RAPGEF4: variants seen among roughly 807,000 people sequenced by gnomAD.
RAPGEF4 encodes the protein Rap guanine nucleotide exchange factor 4, also known as RAP guanine-nucleotide-exchange factor (GEF) 4.
Under a neutral mutation model 147.9 loss-of-function variants are expected in RAPGEF4, and 66 were observed. The ratio of observed to expected loss-of-function variants is 0.45; its 90% CI spans 0.37 to 0.55. The LOEUF (loss-of-function observed/expected upper bound fraction) is 0.55. RAPGEF4 is among the 20% of genes least tolerant of loss of function. The probability of loss-of-function intolerance (pLI) is 0.00; values close to 1 mark genes in which losing one functional copy is unlikely to be tolerated. For missense variants in RAPGEF4, 1,071 were observed against 1,257.3 expected, an observed-to-expected ratio of 0.85 and a Z score of 2.24; for synonymous variants, 419 against 442.7, an observed-to-expected ratio of 0.95 and a Z score of 0.67.
At chr2:172,875,205 G>C (rs1382894186) in intron 4 of RAPGEF4, among the ~76,000 whole-genome samples, 3 of 152,094 alleles carry the variant, frequency 2.0e-5, no homozygotes, top group Admixed American at 2.0e-4. Context: ...GTTGCCTGTT[G>C]ACCCTGATGG....
intron 6 of RAPGEF4, among the ~76,000 whole-genome samples, chr2:172,942,334 A>C (rs1042702982): frequency 6.6e-6 from 1 of 151,748 alleles, no homozygotes; most frequent in African/African-American, 2.4e-5. Context: ...GTCTTAGCTC[A>C]AATTCAGAAC....
intron 29 of RAPGEF4, among the ~76,000 whole-genome samples, chr2:173,043,961 G>C (rs76349813): frequency 0.013 from 2,028 of 152,288 alleles, 38 homozygotes; most frequent in South Asian, 0.07. Flanking sequence ...CAGCTGGAGA[G>C]AGTTCTTGGC....
At chr2:172,905,592 C>T (rs994337727) in intron 4 of RAPGEF4, among the ~76,000 whole-genome samples, 1 of 152,224 alleles carries the variant, frequency 6.6e-6, no homozygotes, top group Non-Finnish European at 1.5e-5. Flanking sequence ...ACTTTATCTG[C>T]TCGCTTGTAG....
At chr2:172,876,010 G>T (rs963855053) in intron 4 of RAPGEF4, among the ~76,000 whole-genome samples, 1 of 152,104 alleles carries the variant, frequency 6.6e-6, no homozygotes, top group Non-Finnish European at 1.5e-5. Context: ...TGAAGCAATT[G>T]TGAATGGGAG....
chr2:172,990,971 T>G (rs773630062), intron 15 of RAPGEF4, 46 bp downstream of exon 15: 1 of 1,356,686 alleles, frequency 7.4e-7, no homozygotes, highest in Non-Finnish European at 1.1e-6. Context: ...TGATTAACCT[T>G]TTCACATGGT....
At chr2:172,767,871 C>CT (rs1696995365) in intron 1 of RAPGEF4, among the ~76,000 whole-genome samples, 1 of 151,992 alleles carries the variant, frequency 6.6e-6, no homozygotes, top group African/African-American at 2.4e-5. Flanking sequence ...GAGACACAGT[C>CT]TCCCCATGTT....
chr2:172,873,755 C>T (rs936843373), intron 4 of RAPGEF4, among the ~76,000 whole-genome samples: 2 of 152,086 alleles, frequency 1.3e-5, no homozygotes, highest in African/African-American at 2.4e-5. Flanking sequence ...TCAGAGTGAA[C>T]CGACAACCTA....
chr2:172,863,711 T>C (rs1238659432), intron 4 of RAPGEF4, among the ~76,000 whole-genome samples: 1 of 152,180 alleles, frequency 6.6e-6, no homozygotes, highest in African/African-American at 2.4e-5. Flanking sequence ...AGAATCAAAA[T>C]TATACCAAAC....
intron 1 of RAPGEF4, among the ~76,000 whole-genome samples, chr2:172,759,933 GC>G (rs771763350): frequency 2.0e-5 from 3 of 152,142 alleles, no homozygotes; most frequent in Non-Finnish European, 4.4e-5. Flanking sequence ...ACTGGCTTGG[GC>G]CCTCTCTATC....
chr2:172,944,227 A>G lies in RAPGEF4; in HGVS notation c.538-16533A>G, dbSNP rs1416131539. Among the ~76,000 whole-genome samples the G allele has an allele frequency of 2.0e-5, 3 of 152,174 alleles. No individual in the cohort carries two copies. In the East Asian group the frequency reaches 5.8e-4, roughly 29 times the overall value. ...TCCTGGGAGGAGCCTCACTGTAGAA[A>G]AAAAGAAGGAAACTGACAGGTCTCA... On this transcript the variant is annotated intron_variant, in intron 6 of 30. Coordinates refer to ENST00000397081, the MANE Select transcript of RAPGEF4 (RefSeq NM_007023.4).
intron 1 of RAPGEF4, among the ~76,000 whole-genome samples, chr2:172,772,914 C>T (rs1286130310): frequency 6.6e-6 from 1 of 152,194 alleles, no homozygotes; most frequent in Non-Finnish European, 1.5e-5. Flanking sequence ...CACGTGCTTT[C>T]TGAATCTGCT....
chr2:172,823,125 G>A (rs771213427), intron 4 of RAPGEF4, among the ~76,000 whole-genome samples: 7 of 152,170 alleles, frequency 4.6e-5, no homozygotes, highest in Admixed American at 1.3e-4. Flanking sequence ...CAAGGGCCTC[G>A]TTTCATCCAA....
intron 28 of RAPGEF4, 70 bp from the exon 29 acceptor site, chr2:173,036,558 G>A: frequency 8.5e-7 from 1 of 1,179,556 alleles, no homozygotes. Flanking sequence ...TAATCTAATG[G>A]TGCTATTGTG....
At chr2:172,805,783 C>G (rs1432330180) in intron 3 of RAPGEF4, among the ~76,000 whole-genome samples, 2 of 152,186 alleles carry the variant, frequency 1.3e-5, no homozygotes, top group South Asian at 2.1e-4. Flanking sequence ...CTTGTCTGCA[C>G]AAGATCCTCT....
intron 2 of RAPGEF4, among the ~76,000 whole-genome samples, chr2:172,797,264 T>G (rs1686471459): frequency 6.6e-6 from 1 of 152,230 alleles, no homozygotes; most frequent in African/African-American, 2.4e-5. Context: ...TTTAAAGTTA[T>G]CATCTTTATT....
At chr2:173,000,180 G>A (rs1306153751) in intron 16 of RAPGEF4, among the ~76,000 whole-genome samples, 6 of 152,164 alleles carry the variant, frequency 3.9e-5, no homozygotes, top group African/African-American at 1.2e-4. Context: ...TAACGGGACT[G>A]AAGACCTGGT....
In RAPGEF4 at chr2:172,853,956, G is replaced by A. The variant is rs138248604; in HGVS notation, c.444+39531G>A. ...TTATTTATAGCACACTAGGGTTTTCGCTCAGTACCTTTTAATAACTTATAT... is the reference window on the plus strand; with the variant it reads ...TTATTTATAGCACACTAGGGTTTTCACTCAGTACCTTTTAATAACTTATAT... On this transcript the variant is annotated intron_variant, in intron 4 of 30. Coordinates refer to ENST00000397081, the MANE Select transcript of RAPGEF4 (RefSeq NM_007023.4). Among the ~76,000 whole-genome samples the A allele has an allele frequency of 9.6e-3, 1,458 of 151,906 alleles. 13 individuals carry two copies. The highest frequency in any genetic ancestry group is 0.027 in the Admixed American group (411 of 15,262).
intron 15 of RAPGEF4, among the ~76,000 whole-genome samples, chr2:172,994,238 C>T (rs1693102886): frequency 1.3e-5 from 2 of 152,190 alleles, no homozygotes; most frequent in South Asian, 4.1e-4. Flanking sequence ...TGAAATAAAA[C>T]TCGTTTTCAG....
At chr2:173,007,180 G>A (rs979519288) in intron 17 of RAPGEF4, among the ~76,000 whole-genome samples, 5 of 152,206 alleles carry the variant, frequency 3.3e-5, no homozygotes, top group Admixed American at 2.6e-4. Context: ...AACCCAAGCA[G>A]TGTATTGCAT....
Sources: allele counts gnomAD v4.1 joint callset (sites outside exome capture counted in the v4.1 genomes callset), GRCh38; gene constraint gnomAD v4.1.1; transcripts MANE v1.5; gene names NCBI Gene and HGNC (gene_info 2026-07-23, HGNC 2026-07-21).